The following GALNT10 variants were observed in gnomAD, a reference collection of about 807,000 sequenced individuals.
GALNT10 encodes GalNAc transferase 10.
In GALNT10, 41 loss-of-function variants were observed where a neutral mutation model predicts 75.0. The ratio of observed to expected loss-of-function variants is 0.55; its 90% confidence interval spans 0.43 to 0.71. The LOEUF (loss-of-function observed/expected upper bound fraction) is 0.71. Among genes scored for constraint, GALNT10 ranks in the 30% least tolerant of loss-of-function variants. The pLI is 0.00. For missense variants in GALNT10, 727 were observed against 818.5 expected (o/e 0.89, Z 1.36); for synonymous variants, 302 against 313.0 (o/e 0.96, Z 0.37).
intron 1 of GALNT10, among the ~76,000 whole-genome samples, chr5:154,280,998 G>T (rs778780098): frequency 3.3e-5 from 5 of 152,184 alleles, no homozygotes; most frequent in African/African-American, 4.8e-5. Flanking sequence ...GCCACTCTCT[G>T]TTGGTCACTG....
intron 1 of GALNT10, among the ~76,000 whole-genome samples, chr5:154,200,586 G>A (rs1275596032): frequency 6.6e-6 from 1 of 151,426 alleles, no homozygotes; most frequent in African/African-American, 2.4e-5. Flanking sequence ...GTGTGTGTGT[G>A]CCTATTTGTG....
At chr5:154,225,678 A>G (rs1189020847) in intron 1 of GALNT10, among the ~76,000 whole-genome samples, 2 of 81,536 alleles carry the variant, frequency 2.5e-5, no homozygotes, top group East Asian at 2.6e-3. Flanking sequence ...TGTTAGGATT[A>G]CAGGTGTGAG....
chr5:154,358,608 A>G (rs1413422539), intron 4 of GALNT10, among the ~76,000 whole-genome samples: 1 of 152,000 alleles, frequency 6.6e-6, no homozygotes, highest in South Asian at 2.1e-4. Flanking sequence ...TCTCCCACAC[A>G]CTGTGCTACC....
chr5:154,360,950 T>A (rs1755376191), intron 4 of GALNT10, among the ~76,000 whole-genome samples: 1 of 152,250 alleles, frequency 6.6e-6, no homozygotes, highest in Admixed American at 6.5e-5. Flanking sequence ...AAGCCTATAT[T>A]TGATACTCAC....
chr5:154,271,260 A>C (rs1039750743), intron 1 of GALNT10, among the ~76,000 whole-genome samples: 1 of 152,054 alleles, frequency 6.6e-6, no homozygotes, highest in African/African-American at 2.4e-5. Context: ...TGAGGTCAGG[A>C]GTTCGAGACC....
At chr5:154,198,027 C>T (rs1011056362) in intron 1 of GALNT10, among the ~76,000 whole-genome samples, 4 of 152,182 alleles carry the variant, frequency 2.6e-5, no homozygotes, top group Non-Finnish European at 4.4e-5. Context: ...GTGAGAGGGA[C>T]CATTGCCCTA....
intron 3 of GALNT10, among the ~76,000 whole-genome samples, chr5:154,309,062 A>G (rs1160275002): frequency 1.3e-5 from 2 of 152,206 alleles, no homozygotes; most frequent in Non-Finnish European, 2.9e-5. Context: ...TTAACAGGAT[A>G]AAGGGTAGAA....
intron 7 of GALNT10, among the ~76,000 whole-genome samples, chr5:154,397,909 C>T (rs896462011): frequency 7.9e-5 from 12 of 152,206 alleles, no homozygotes; most frequent in Non-Finnish European, 1.6e-4. Context: ...TTCTGGGTCC[C>T]ATTGTGTTTT....
intron 1 of GALNT10, among the ~76,000 whole-genome samples, chr5:154,250,759 A>G (rs1435932836): frequency 6.6e-6 from 1 of 152,066 alleles, no homozygotes; most frequent in Non-Finnish European, 1.5e-5. Flanking sequence ...GATTACAAAC[A>G]TCTTGTCCTG....
chr5:154,342,919 G>A (rs1755056253), intron 4 of GALNT10, among the ~76,000 whole-genome samples: 1 of 152,134 alleles, frequency 6.6e-6, no homozygotes. Context: ...GATACACTCA[G>A]CCAACACTAA....
chr5:154,390,172 T>G (rs1755870513), intron 7 of GALNT10, among the ~76,000 whole-genome samples: 1 of 152,220 alleles, frequency 6.6e-6, no homozygotes, highest in Non-Finnish European at 1.5e-5. Flanking sequence ...CCATTTCCCT[T>G]TGCTGGGAGA....
At chr5:154,390,101 A>G (rs993108599) in intron 7 of GALNT10, among the ~76,000 whole-genome samples, 1 of 152,224 alleles carries the variant, frequency 6.6e-6, no homozygotes, top group African/African-American at 2.4e-5. Context: ...CAACACAACC[A>G]AACAATTTAT....
intron 1 of GALNT10, among the ~76,000 whole-genome samples, chr5:154,252,392 C>G (rs1406261474): frequency 1.3e-5 from 2 of 152,108 alleles, no homozygotes; most frequent in Non-Finnish European, 2.9e-5. Context: ...TTTCTGAGTA[C>G]TTAGATATTG....
chr5:154,386,500 G>A (rs765739780), intron 7 of GALNT10, 70 bp downstream of exon 7: 3 of 983,652 alleles, frequency 3.0e-6, no homozygotes, highest in Non-Finnish European at 1.7e-6. Flanking sequence ...AGGTGTCTCA[G>A]CTTCTGCCTG....
At chr5:154,345,270 T>C (rs1213764728) in intron 4 of GALNT10, among the ~76,000 whole-genome samples, 1 of 152,186 alleles carries the variant, frequency 6.6e-6, no homozygotes, top group Admixed American at 6.5e-5. Context: ...CTAATTAATG[T>C]GTTCATCACC....
rs1774848945 is a variant in GALNT10 at position 154,190,932 on chromosome 5, G to A, written c.66G>A (p.Leu22=). ...TGGTGCTGGCGGCCCTGGTCCTCCT[G>A]CCCAACGTGGGGCTTTGGGCGCTGT... ...VALVLAALVL[L]PNVGLWALYR... is the part of the protein sequence containing the mutation. Residue 22 remains leucine, a synonymous_variant, in exon 1 of 12, where the codon CTG becomes CTA. Coordinates refer to ENST00000297107, the MANE Select transcript of GALNT10 (RefSeq NM_198321.4). The A allele has an allele frequency of 2.0e-6, 3 of 1,505,966 alleles. No individual in the cohort carries two copies. The highest frequency in any genetic ancestry group is 2.7e-6 in the Non-Finnish European group (3 of 1,129,408). The allele number at this position is 1,505,966 out of a possible 1,614,324, so 93.3% of individuals were successfully genotyped here.
At chr5:154,382,869 G>A (rs1275293570) in intron 6 of GALNT10, among the ~76,000 whole-genome samples, 1 of 152,212 alleles carries the variant, frequency 6.6e-6, no homozygotes, top group Non-Finnish European at 1.5e-5. Context: ...TAGTAGCAAA[G>A]GCCCAGCTAG....
intron 1 of GALNT10, among the ~76,000 whole-genome samples, chr5:154,236,104 A>C (rs1193897314): frequency 1.3e-5 from 2 of 152,038 alleles, no homozygotes; most frequent in Admixed American, 6.6e-5. Flanking sequence ...ACTGGGAGGG[A>C]GACTAGCAGA....
intron 1 of GALNT10, among the ~76,000 whole-genome samples, chr5:154,268,882 A>T (rs1753815208): frequency 6.6e-6 from 1 of 152,172 alleles, no homozygotes; most frequent in South Asian, 2.1e-4. Context: ...CACGCCTGTA[A>T]TCCCAACACT....
Sources: gnomAD v4.1 joint callset for allele counts (sites outside exome capture counted in the v4.1 genomes callset) on GRCh38, gnomAD v4.1.1 for gene constraint, MANE v1.5 for transcripts, NCBI Gene and HGNC (gene_info 2026-07-23, HGNC 2026-07-21) for gene names.